Variants in VIRMA observed in about 807,000 individuals in gnomAD.
VIRMA encodes the protein protein virilizer homolog.
VIRMA carries 65 observed loss-of-function variants against 182.4 expected under a neutral mutation model. The observed-to-expected ratio is 0.36, with a 90% CI of 0.29 to 0.44. VIRMA has a LOEUF of 0.44. VIRMA is among the 20% of genes least tolerant of loss of function. The probability of loss-of-function intolerance (pLI) is 1.00; values close to 1 mark genes in which losing one functional copy is unlikely to be tolerated. For missense variants in VIRMA, 1,752 were observed against 2,158.1 expected, an observed-to-expected ratio of 0.81 and a Z score of 3.73; for synonymous variants, 709 against 743.1, an observed-to-expected ratio of 0.95 and a Z score of 0.75.
At position 94,526,972 on chromosome 8, in the gene VIRMA, T is replaced by C. The variant is rs757158504; in HGVS notation, c.1272A>G (p.Lys424=). The change falls in exon 8 of 24, where the codon AAA becomes AAG. Residue 424 remains lysine (K), a synonymous_variant. Coordinates refer to ENST00000297591, the MANE Select transcript of VIRMA (RefSeq NM_015496.5). ...GLSYLQLKNT[K]QDSLGQLVDW... ...CTACCAACTGGCCAAGGGAGTCTTG[T>C]TTTGTGTTTTTCAATTGCAAATAGC... 4.3e-6 allele frequency: 7 copies of C among 1,614,098 alleles called. No homozygotes were observed. The highest frequency in any genetic ancestry group is 1.1e-5 in the South Asian group (1 of 91,092).
intron 6 of VIRMA, among the ~76,000 whole-genome samples, chr8:94,529,919 C>A (rs557486000): frequency 1.9e-4 from 29 of 152,216 alleles, no homozygotes; most frequent in African/African-American, 7.0e-4. Context: ...GGATTACAGG[C>A]GTGAGCCACC....
chr8:94,488,831 A>C lies in VIRMA; in HGVS notation c.5314T>G (p.Ser1772Ala), dbSNP rs1208965808. 2.5e-6 allele frequency: 4 copies of C among 1,614,062 alleles called. No homozygotes were observed. In the South Asian group the frequency reaches 4.4e-5, roughly 18 times the overall value. The stretch of plus-strand genomic sequence containing the variant: ...GGTCCAAGTCCCCCACGACCTCTAG[A>C]AGCACGGTCCCGAGGACTTGGGCGG... ...GYRPSPRDRA[S>A]RGRGGLGPSW... The change falls in exon 24 of 24, where the codon TCT (serine) becomes GCT (alanine). Residue 1772 changes from serine (S) to alanine (A), a missense_variant. Physicochemically the swap from Ser to Ala is moderately conservative, Grantham distance 99. Transcript: ENST00000297591.
intron 7 of VIRMA, among the ~76,000 whole-genome samples, chr8:94,528,156 C>CT (rs1265585376): frequency 1.3e-5 from 2 of 150,782 alleles, no homozygotes; most frequent in African/African-American, 2.4e-5. Context: ...CACTTGAACC[C>CT]TGGAGGTGAA....
chr8:94,535,974 A>G (rs930311030), intron 4 of VIRMA, among the ~76,000 whole-genome samples: 8 of 152,196 alleles, frequency 5.3e-5, no homozygotes, highest in African/African-American at 1.9e-4. Flanking sequence ...ATGAGAGCAG[A>G]TATTGTCATT....
intron 17 of VIRMA, 113 bp from the exon 18 acceptor site, chr8:94,496,593 AT>A: frequency 2.4e-6 from 2 of 826,828 alleles, no homozygotes; most frequent in Non-Finnish European, 3.7e-6. Context: ...CAATGTTTTC[AT>A]TTTTACATCA....
At chr8:94,496,501 T>C (rs1318342779) in intron 17 of VIRMA, 21 bp from the exon 18 acceptor site, 18 of 1,594,192 alleles carry the variant, frequency 1.1e-5, no homozygotes, top group Non-Finnish European at 1.5e-5. Context: ...CACACATAAG[T>C]TAAATTTGAG....
chr8:94,517,671 G>A (rs935721753), intron 10 of VIRMA, 117 bp downstream of exon 10: 2 of 582,958 alleles, frequency 3.4e-6, no homozygotes, highest in Non-Finnish European at 5.4e-6. Context: ...ATTTCAGGAA[G>A]TTAAAAACAG....
At chr8:94,552,787 A>C (rs1816044083) in intron 1 of VIRMA, among the ~76,000 whole-genome samples, 1 of 152,196 alleles carries the variant, frequency 6.6e-6, no homozygotes, top group Admixed American at 6.5e-5. Flanking sequence ...TAATTCTCTC[A>C]ACTCTCCCCT....
At chr8:94,530,896 C>A in intron 6 of VIRMA, 67 bp downstream of exon 6, 1 of 1,543,810 alleles carries the variant, frequency 6.5e-7, no homozygotes, top group East Asian at 2.4e-5. Flanking sequence ...GTGAGACCAT[C>A]TCAAAACAAA....
intron 8 of VIRMA, among the ~76,000 whole-genome samples, chr8:94,522,302 G>GA (rs151063490): frequency 0.04 from 6,072 of 152,290 alleles, 129 homozygotes; most frequent in Non-Finnish European, 0.05. Flanking sequence ...GTTGCTGTGA[G>GA]AATTAGGCAG....
At chr8:94,510,264 T>C (rs1330278257) in intron 14 of VIRMA, among the ~76,000 whole-genome samples, 153 bp downstream of exon 14, 3 of 152,216 alleles carry the variant, frequency 2.0e-5, no homozygotes, top group African/African-American at 4.8e-5. Context: ...AGTATTCATA[T>C]ATTCATATGT....
At chr8:94,520,916 G>A (rs1043570847) in intron 8 of VIRMA, among the ~76,000 whole-genome samples, 10 of 152,142 alleles carry the variant, frequency 6.6e-5, no homozygotes, top group Non-Finnish European at 1.5e-4. Context: ...ACTCTTTTAT[G>A]AGACGAAATC....
Position 94,488,553 on chromosome 8 carries a change from G to C in VIRMA, c.*153C>G, listed in dbSNP as rs915557727. 11 of 622,354 alleles carry C rather than the reference G, an allele frequency of 1.8e-5. No homozygotes were observed. Among genetic ancestry groups the C allele is most frequent in the Non-Finnish European group, 2.6e-5 (10 of 382,654 alleles). The allele number at this position is 622,354 out of a possible 1,614,324, so 38.6% of individuals were successfully genotyped here. A position where few individuals can be genotyped will look rare whatever the true frequency, so the allele number is the denominator to read the frequency against. On this transcript the variant is annotated 3_prime_UTR_variant, in exon 24 of 24. Transcript: ENST00000297591. Reference sequence around the variant, plus strand: ...AAGTTTGGATTTTTATTGAAATCTTGTTAGGTATCAAACAAATTCTGCTTT... The same window carrying C: ...AAGTTTGGATTTTTATTGAAATCTTCTTAGGTATCAAACAAATTCTGCTTT...
intron 12 of VIRMA, 127 bp downstream of exon 12, chr8:94,511,869 A>G: frequency 1.5e-6 from 1 of 662,036 alleles, no homozygotes; most frequent in Non-Finnish European, 2.2e-6. Context: ...ATATTTAATT[A>G]CTTTAATTTA....
intron 22 of VIRMA, chr8:94,490,296 T>TA: frequency 1.9e-6 from 1 of 519,880 alleles, no homozygotes; most frequent in Admixed American, 3.7e-5. Flanking sequence ...CACTTGTATT[T>TA]ATGTGCCCTG....
intron 8 of VIRMA, among the ~76,000 whole-genome samples, chr8:94,525,484 T>G (rs2130345561): frequency 6.6e-6 from 1 of 152,346 alleles, no homozygotes; most frequent in Middle Eastern, 3.4e-3. Flanking sequence ...GTGTAACAGT[T>G]TCAGCTAAAA....
intron 14 of VIRMA, 113 bp downstream of exon 14, chr8:94,510,304 C>T: frequency 9.8e-6 from 7 of 710,902 alleles, no homozygotes; most frequent in Middle Eastern, 6.5e-4. Flanking sequence ...TGTATATTTA[C>T]ATGTATATAT....
chr8:94,490,307 G>C (rs776797393), intron 22 of VIRMA: 38 of 489,290 alleles, frequency 7.8e-5, no homozygotes, highest in Non-Finnish European at 1.3e-4. Context: ...ATGTGCCCTG[G>C]TCAGCTGACT....
chr8:94,547,885 A>G (rs1343124636), intron 1 of VIRMA, among the ~76,000 whole-genome samples: 1 of 148,946 alleles, frequency 6.7e-6, no homozygotes, highest in Non-Finnish European at 1.5e-5. Context: ...AAAAAAAAAA[A>G]CTTTAAAAAC....
Sources: gnomAD v4.1 joint callset for allele counts (sites outside exome capture counted in the v4.1 genomes callset) on GRCh38, gnomAD v4.1.1 for gene constraint, MANE v1.5 for transcripts, NCBI Gene and HGNC (gene_info 2026-07-23, HGNC 2026-07-21) for gene names.